Variants in COL4A2 observed in about 807,000 individuals in gnomAD.
COL4A2 encodes collagen alpha-2(IV) chain.
A neutral mutation model predicts 200.2 loss-of-function variants in COL4A2; 99 were observed. The ratio of observed to expected loss-of-function variants is 0.49; its 90% CI spans 0.42 to 0.58. COL4A2 has a LOEUF of 0.58. Among genes scored for constraint, COL4A2 ranks in the 20% least tolerant of loss-of-function variants. COL4A2 has a pLI of 0.00. For synonymous variants in COL4A2, 897 were observed against 900.6 expected, an observed-to-expected ratio of 1.00 and a Z score of 0.07; for missense variants, 1,950 against 2,314.1, an observed-to-expected ratio of 0.84 and a Z score of 3.23.
intron 3 of COL4A2, among the ~76,000 whole-genome samples, chr13:110,321,114 A>T (rs536143440): frequency 6.6e-6 from 1 of 152,184 alleles, no homozygotes; most frequent in South Asian, 2.1e-4. Flanking sequence ...TAAACTAACC[A>T]TCTGAAGATA....
intron 4 of COL4A2, among the ~76,000 whole-genome samples, chr13:110,376,815 AG>A (rs1385910101): frequency 6.6e-6 from 1 of 152,136 alleles, no homozygotes; most frequent in Non-Finnish European, 1.5e-5. Flanking sequence ...TGGAGAGTCG[AG>A]GCCAGGCCGA....
intron 3 of COL4A2, among the ~76,000 whole-genome samples, chr13:110,312,070 T>G (rs1885000017): frequency 6.6e-6 from 1 of 152,210 alleles, no homozygotes; most frequent in Non-Finnish European, 1.5e-5. Context: ...GACAATTCTT[T>G]CCTGCATTTC....
intron 6 of COL4A2, among the ~76,000 whole-genome samples, chr13:110,427,189 G>A (rs868082309): frequency 3.9e-5 from 6 of 152,082 alleles, no homozygotes; most frequent in Admixed American, 6.5e-5. Flanking sequence ...AGTCTTGTTC[G>A]CCCAGGCTGG....
chr13:110,486,912 T>G (rs1883136687), intron 34 of COL4A2, among the ~76,000 whole-genome samples: 1 of 152,124 alleles, frequency 6.6e-6, no homozygotes, highest in Admixed American at 6.5e-5. Flanking sequence ...TGGAATGTCA[T>G]CAGTTAAGGC....
At chr13:110,345,281 AT>A (rs1405892699) in intron 3 of COL4A2, among the ~76,000 whole-genome samples, 1 of 152,254 alleles carries the variant, frequency 6.6e-6, no homozygotes, top group African/African-American at 2.4e-5. Flanking sequence ...TACTCAATGC[AT>A]TGAAAATCCT....
chr13:110,432,459 T>C, intron 11 of COL4A2, 99 bp downstream of exon 11: 1 of 1,390,276 alleles, frequency 7.2e-7, no homozygotes, highest in South Asian at 1.6e-5. Flanking sequence ...TGGCAACTAT[T>C]TATTGTTTAT....
intron 4 of COL4A2, among the ~76,000 whole-genome samples, chr13:110,399,499 G>T (rs554389979): frequency 3.3e-5 from 5 of 152,306 alleles, no homozygotes; most frequent in Admixed American, 1.3e-4. Context: ...CAGACCTAAA[G>T]TCTTGCATCT....
Position 110,462,294 on chromosome 13 carries a change from C to A in COL4A2, c.1686C>A (p.Pro562=), listed in dbSNP as rs1044293547. Residue 562 remains proline, a synonymous_variant, in exon 24 of 48, where the codon CCC becomes CCA. Coordinates refer to ENST00000360467, the MANE Select transcript of COL4A2 (RefSeq NM_001846.4). The part of the protein sequence containing the change: ...TITTKGERGQ[P]GVPGVPGMKG... ...CCTTTCTAGGTGAGCGGGGACAGCC[C>A]GGCGTCCCAGGTGTGCCCGGGATGA... The A allele has an allele frequency of 6.2e-7, 1 of 1,614,232 alleles. No individual in the cohort carries two copies. The highest frequency in any genetic ancestry group is 1.1e-5 in the South Asian group (1 of 91,082).
chr13:110,445,589 A>T (rs1881290239), intron 16 of COL4A2, among the ~76,000 whole-genome samples: 1 of 152,252 alleles, frequency 6.6e-6, no homozygotes, highest in South Asian at 2.1e-4. Flanking sequence ...GAATTAAGTG[A>T]GAATTCAGAG....
intron 40 of COL4A2, among the ~76,000 whole-genome samples, chr13:110,499,804 C>T (rs1883582725): frequency 6.6e-6 from 1 of 152,222 alleles, no homozygotes; most frequent in Non-Finnish European, 1.5e-5. Context: ...CTCATCACTG[C>T]AGTTAAGTTA....
chr13:110,373,932 G>A (rs891218485), intron 4 of COL4A2, among the ~76,000 whole-genome samples: 1 of 152,214 alleles, frequency 6.6e-6, no homozygotes, highest in Non-Finnish European at 1.5e-5. Flanking sequence ...ATGCAGCCCT[G>A]TGCAGCCGTG....
intron 4 of COL4A2, among the ~76,000 whole-genome samples, chr13:110,393,784 C>A (rs1879084252): frequency 6.6e-6 from 1 of 152,066 alleles, no homozygotes; most frequent in Non-Finnish European, 1.5e-5. Context: ...GAGGCGGAAG[C>A]AAGAGAATCA....
At chr13:110,317,105 A>T (rs754464313) in intron 3 of COL4A2, among the ~76,000 whole-genome samples, 1 of 151,660 alleles carries the variant, frequency 6.6e-6, no homozygotes, top group Non-Finnish European at 1.5e-5. Flanking sequence ...ATACAGACAC[A>T]CACATGCACA....
chr13:110,415,146 A>C (rs889378305), intron 4 of COL4A2, among the ~76,000 whole-genome samples: 1 of 152,180 alleles, frequency 6.6e-6, no homozygotes, highest in African/African-American at 2.4e-5. Context: ...CAAAGGGGCA[A>C]CACCCAGAAT....
At chr13:110,352,457 A>G (rs1481940446) in intron 3 of COL4A2, among the ~76,000 whole-genome samples, 1 of 152,232 alleles carries the variant, frequency 6.6e-6, no homozygotes, top group Non-Finnish European at 1.5e-5. Flanking sequence ...GTCACCTGCC[A>G]CAGGGCAGGA....
chr13:110,505,139 A>T (rs1309063281), intron 45 of COL4A2, among the ~76,000 whole-genome samples: 2 of 151,364 alleles, frequency 1.3e-5, no homozygotes, highest in Non-Finnish European at 3.0e-5. Context: ...TCACAAGGGC[A>T]GGAGATCGAG....
At chr13:110,437,575 T>C (rs1019903288) in intron 13 of COL4A2, among the ~76,000 whole-genome samples, 3 of 152,246 alleles carry the variant, frequency 2.0e-5, no homozygotes, top group Non-Finnish European at 4.4e-5. Context: ...ACAGCCACTT[T>C]TGCTTCAAGT....
chr13:110,445,011 C>T (rs984532245), intron 16 of COL4A2, among the ~76,000 whole-genome samples: 9 of 152,180 alleles, frequency 5.9e-5, no homozygotes, highest in Admixed American at 5.2e-4. Context: ...CCACCATGCC[C>T]GGTTACATTA....
chr13:110,497,244 G>A (rs980428763), intron 40 of COL4A2, among the ~76,000 whole-genome samples: 1 of 151,176 alleles, frequency 6.6e-6, no homozygotes, highest in Non-Finnish European at 1.5e-5. Flanking sequence ...TGAAGATCTA[G>A]GTCAATCCAC....
Sources: gnomAD v4.1 joint callset for allele counts (sites outside exome capture counted in the v4.1 genomes callset) on GRCh38, gnomAD v4.1.1 for gene constraint, MANE v1.5 for transcripts, NCBI Gene and HGNC (gene_info 2026-07-23, HGNC 2026-07-21) for gene names.